MDGA2: variants seen among roughly 807,000 people sequenced by gnomAD.
MDGA2 encodes the protein MAM domain-containing glycosylphosphatidylinositol anchor protein 2.
In MDGA2, 40 loss-of-function variants were observed where a neutral mutation model predicts 117.8. The ratio of observed to expected loss-of-function variants is 0.34; its 90% confidence interval spans 0.26 to 0.44. The LOEUF is 0.44. MDGA2 is among the 20% of genes least tolerant of loss of function. The pLI is 1.00. For missense variants in MDGA2, 1,123 were observed against 1,250.6 expected (o/e 0.90, Z 1.54); for synonymous variants, 452 against 439.0 (o/e 1.03, Z -0.37).
At chr14:47,184,689 G>T (rs1571104) in intron 3 of MDGA2, among the ~76,000 whole-genome samples, 9,635 of 151,740 alleles carry the variant, frequency 0.063, 362 homozygotes, top group Non-Finnish European at 0.064. Flanking sequence ...TTTTACAAAA[G>T]TAGAGCATAA....
chr14:47,674,863 G>T lies in MDGA2; in HGVS notation c.-67C>A. On this transcript the variant is annotated 5_prime_UTR_variant, in exon 1 of 17. Transcript: ENST00000399232. ...ACAATACCCTGACACACACTCACAC[G>T]CACGCCGCACTCACACCGGGTGCCT... 1.8e-6 allele frequency: 1 copy of T among 562,728 alleles called. No homozygotes were observed. Among genetic ancestry groups the T allele is most frequent in the Non-Finnish European group, 3.1e-6 (1 of 322,472 alleles). The allele number at this position is 562,728 out of a possible 1,614,324, so 34.9% of individuals were successfully genotyped here.
intron 5 of MDGA2, among the ~76,000 whole-genome samples, chr14:47,109,896 A>C (rs1385956246): frequency 6.6e-6 from 1 of 152,152 alleles, no homozygotes; most frequent in Non-Finnish European, 1.5e-5. Flanking sequence ...CAGTGAGCCG[A>C]GATTGTGCCA....
intron 8 of MDGA2, among the ~76,000 whole-genome samples, chr14:46,965,468 C>G (rs1311391878): frequency 1.3e-5 from 2 of 152,102 alleles, no homozygotes; most frequent in Non-Finnish European, 2.9e-5. Context: ...TGCAAAGCAT[C>G]CCTAAATTAA....
At chr14:47,510,743 C>A (rs1178479558) in intron 1 of MDGA2, among the ~76,000 whole-genome samples, 3 of 152,174 alleles carry the variant, frequency 2.0e-5, no homozygotes, top group Admixed American at 6.5e-5. Context: ...GTCAATAAAT[C>A]CTTACAGGAG....
chr14:47,618,277 ACT>A (rs1184961454), intron 1 of MDGA2, among the ~76,000 whole-genome samples: 1 of 152,240 alleles, frequency 6.6e-6, no homozygotes, highest in Non-Finnish European at 1.5e-5. Context: ...ATCTTGGTGC[ACT>A]TTTTGCAGAT....
intron 9 of MDGA2, among the ~76,000 whole-genome samples, chr14:46,947,366 A>G (rs565194735): frequency 6.6e-6 from 1 of 152,188 alleles, no homozygotes; most frequent in Non-Finnish European, 1.5e-5. Flanking sequence ...TTTGTACTTG[A>G]TATTTTAAAA....
At chr14:46,961,568 T>C (rs931664058) in intron 8 of MDGA2, among the ~76,000 whole-genome samples, 4 of 152,146 alleles carry the variant, frequency 2.6e-5, no homozygotes, top group African/African-American at 9.7e-5. Context: ...CTTTTTTGTA[T>C]GTTTCCACTA....
rs137900737 is a variant in MDGA2 at position 47,061,274 on chromosome 14, G to A, written c.1500C>T (p.Ile500=). The stretch of plus-strand genomic sequence containing the variant: ...CTGTGCTGCTGGATATATTAACATC[G>A]ATACTGATATCAGATATTCCTCCTC... The part of the protein sequence containing the change: ...LKGGGISDIS[I]DVNISSSTVP... Residue 500 remains isoleucine (I), a synonymous_variant, in exon 7 of 17, where the codon ATC becomes ATT. Transcript: ENST00000399232. The A allele has an allele frequency of 3.2e-5, 51 of 1,612,948 alleles. No homozygotes were observed. The highest frequency in any genetic ancestry group is 2.5e-4 in the African/African-American group (19 of 74,908).
intron 14 of MDGA2, among the ~76,000 whole-genome samples, chr14:46,859,455 C>G (rs533530045): frequency 6.6e-6 from 1 of 152,268 alleles, no homozygotes; most frequent in South Asian, 2.1e-4. Flanking sequence ...TACCCTGACC[C>G]ACAGATTCCA....
chr14:47,426,926 G>A (rs557381613), intron 1 of MDGA2, among the ~76,000 whole-genome samples: 1 of 151,894 alleles, frequency 6.6e-6, no homozygotes, highest in Non-Finnish European at 1.5e-5. Context: ...TGTGAGTTGT[G>A]AGTTACTTTC....
intron 10 of MDGA2, among the ~76,000 whole-genome samples, chr14:46,887,341 C>T (rs537958774): frequency 6.6e-6 from 1 of 152,024 alleles, no homozygotes; most frequent in South Asian, 2.1e-4. Flanking sequence ...TTTTAAGTGG[C>T]AGCTTCAGAA....
intron 1 of MDGA2, among the ~76,000 whole-genome samples, chr14:47,611,361 A>G (rs1896844935): frequency 6.6e-6 from 1 of 152,160 alleles, no homozygotes; most frequent in Non-Finnish European, 1.5e-5. Context: ...AATAGCTGGG[A>G]CTTAATTAAC....
At chr14:46,921,621 AAAAAAAAAGAAAAG>A (rs1056008970) in intron 9 of MDGA2, among the ~76,000 whole-genome samples, 8 of 152,016 alleles carry the variant, frequency 5.3e-5, no homozygotes, top group South Asian at 2.1e-4. Context: ...CCTGTCAAAA[AAAAAAAAAGAAAAG>A]AAAAAAAAGA....
chr14:47,108,075 A>C (rs1374296802), intron 5 of MDGA2, among the ~76,000 whole-genome samples: 1 of 150,082 alleles, frequency 6.7e-6, no homozygotes, highest in Non-Finnish European at 1.5e-5. Context: ...CTCCATCTTC[A>C]AGAAAAGTAG....
At chr14:47,450,702 G>GA (rs955447702) in intron 1 of MDGA2, among the ~76,000 whole-genome samples, 3 of 151,908 alleles carry the variant, frequency 2.0e-5, no homozygotes, top group African/African-American at 4.8e-5. Flanking sequence ...TAATAACGGG[G>GA]AAAAAAGTTG....
chr14:47,583,940 G>T (rs1165820495), intron 1 of MDGA2, among the ~76,000 whole-genome samples: 3 of 151,740 alleles, frequency 2.0e-5, no homozygotes, highest in Non-Finnish European at 4.4e-5. Context: ...CTGTGCTAAT[G>T]CGTAAACTGA....
intron 9 of MDGA2, among the ~76,000 whole-genome samples, chr14:46,929,046 G>A (rs1475620197): frequency 6.6e-6 from 1 of 151,950 alleles, no homozygotes; most frequent in Non-Finnish European, 1.5e-5. Flanking sequence ...TTGGCTCTGG[G>A]GTCACATGAT....
chr14:47,595,367 T>C (rs1156952053), intron 1 of MDGA2, among the ~76,000 whole-genome samples: 1 of 151,732 alleles, frequency 6.6e-6, no homozygotes, highest in Admixed American at 6.6e-5. Flanking sequence ...AAACCCCTTT[T>C]CTACTAAAAA....
chr14:46,877,603 A>G, intron 11 of MDGA2, 94 bp from the exon 12 acceptor site: 1 of 822,070 alleles, frequency 1.2e-6, no homozygotes. Flanking sequence ...AGTGTCTCAT[A>G]GTTCCTTACC....
Sources: gnomAD v4.1 joint callset for allele counts (sites outside exome capture counted in the v4.1 genomes callset) on GRCh38, gnomAD v4.1.1 for gene constraint, MANE v1.5 for transcripts, NCBI Gene and HGNC (gene_info 2026-07-23, HGNC 2026-07-21) for gene names.